CCDC170: variants seen among roughly 807,000 people sequenced by gnomAD.
The protein encoded by CCDC170 is coiled-coil domain-containing protein 170.
In CCDC170, 69 loss-of-function variants were observed where a neutral mutation model predicts 72.6. That is an observed-to-expected ratio of 0.95 (90% confidence interval 0.78 to 1.16). The LOEUF (loss-of-function observed/expected upper bound fraction) is 1.16, where lower values mean the gene tolerates loss of function less well. Among genes scored for constraint, CCDC170 ranks in the 50% most tolerant of loss-of-function variants. The probability of loss-of-function intolerance (pLI) is 0.00; values close to 1 mark genes in which losing one functional copy is unlikely to be tolerated. For missense variants in CCDC170, 852 were observed against 832.5 expected (o/e 1.02, Z -0.29); for synonymous variants, 300 against 303.9 (o/e 0.99, Z 0.13).
intron 1 of CCDC170, among the ~76,000 whole-genome samples, chr6:151,503,041 G>A (rs553684839): frequency 6.6e-6 from 1 of 152,220 alleles, no homozygotes; most frequent in East Asian, 1.9e-4. Flanking sequence ...GCTGGACATG[G>A]TGGTGCGCAC....
intron 4 of CCDC170, among the ~76,000 whole-genome samples, chr6:151,546,138 T>C (rs1163495720): frequency 6.6e-6 from 1 of 152,054 alleles, no homozygotes; most frequent in African/African-American, 2.4e-5. Flanking sequence ...TTCCCAAATG[T>C]CCTCTCTGAA....
chr6:151,608,806 C>T (rs935602533), intron 9 of CCDC170, among the ~76,000 whole-genome samples: 2 of 152,188 alleles, frequency 1.3e-5, no homozygotes, highest in Non-Finnish European at 2.9e-5. Context: ...CATGCACTTT[C>T]AGTCTCAGGA....
At chr6:151,520,005 C>A (rs1266482092) in intron 1 of CCDC170, among the ~76,000 whole-genome samples, 3 of 152,176 alleles carry the variant, frequency 2.0e-5, no homozygotes, top group African/African-American at 7.2e-5. Flanking sequence ...TCTCCTATCT[C>A]ATCCTGTGAT....
chr6:151,610,188 G>A (rs1470195395), intron 9 of CCDC170, among the ~76,000 whole-genome samples: 2 of 152,124 alleles, frequency 1.3e-5, no homozygotes, highest in South Asian at 4.1e-4. Flanking sequence ...CTTAATCAAT[G>A]TAATGTCCCC....
intron 3 of CCDC170, among the ~76,000 whole-genome samples, chr6:151,542,684 C>T (rs539492242): frequency 6.6e-6 from 1 of 152,232 alleles, no homozygotes; most frequent in Non-Finnish European, 1.5e-5. Context: ...TTTTAAATTT[C>T]TGTGATTATT....
intron 1 of CCDC170, among the ~76,000 whole-genome samples, chr6:151,497,952 CAAA>C (rs59201906): frequency 3.4e-5 from 2 of 58,046 alleles, no homozygotes; most frequent in African/African-American, 1.3e-4. Flanking sequence ...CACACCATCT[CAAA>C]AAAAAAAAAA....
chr6:151,596,279 T>A, intron 8 of CCDC170, 56 bp from the exon 9 acceptor site: 1 of 1,506,432 alleles, frequency 6.6e-7, no homozygotes, highest in Non-Finnish European at 8.9e-7. Flanking sequence ...GGTAACTCAT[T>A]TATATTTACT....
At chr6:151,512,139 C>A (rs1184992528) in intron 1 of CCDC170, among the ~76,000 whole-genome samples, 1 of 151,696 alleles carries the variant, frequency 6.6e-6, no homozygotes, top group Non-Finnish European at 1.5e-5. Context: ...GCCACTGCAC[C>A]CAGCAGTATA....
chr6:151,528,792 C>A (rs4870032), intron 1 of CCDC170, among the ~76,000 whole-genome samples: 1 of 151,742 alleles, frequency 6.6e-6, no homozygotes, highest in Non-Finnish European at 1.5e-5. Context: ...GAGCCAAGAT[C>A]GTGCCACTGC....
intron 5 of CCDC170, among the ~76,000 whole-genome samples, chr6:151,550,106 A>T (rs992160958): frequency 6.6e-6 from 1 of 152,214 alleles, no homozygotes; most frequent in African/African-American, 2.4e-5. Context: ...ATTTAATACC[A>T]TATGTATTTT....
intron 1 of CCDC170, among the ~76,000 whole-genome samples, chr6:151,526,784 T>A (rs1468056500): frequency 1.3e-5 from 2 of 152,128 alleles, no homozygotes; most frequent in African/African-American, 4.8e-5. Flanking sequence ...GTGAAAGTTT[T>A]TCTAAGTGCA....
At chr6:151,577,648 A>G (rs1186667807) in intron 6 of CCDC170, among the ~76,000 whole-genome samples, 2 of 152,266 alleles carry the variant, frequency 1.3e-5, no homozygotes, top group East Asian at 3.9e-4. Context: ...CCGATGCTAT[A>G]AAGCAAGGGT....
chr6:151,582,029 G>A (rs1371312834), intron 6 of CCDC170, among the ~76,000 whole-genome samples: 1 of 152,182 alleles, frequency 6.6e-6, no homozygotes, highest in Non-Finnish European at 1.5e-5. Context: ...GGGGCCTAGG[G>A]TCTTCAGAAT....
At chr6:151,515,303 G>C (rs1782218289) in intron 1 of CCDC170, among the ~76,000 whole-genome samples, 1 of 152,190 alleles carries the variant, frequency 6.6e-6, no homozygotes. Flanking sequence ...TATTTATTGA[G>C]ACGGAGTCTC....
chr6:151,582,986 C>CTTTTTTTTTTTTTTTTTT (rs35947074), intron 6 of CCDC170, among the ~76,000 whole-genome samples: 1 of 94,236 alleles, frequency 1.1e-5, no homozygotes, highest in Non-Finnish European at 1.9e-5. Context: ...TGGAGTAGCA[C>CTTTTTTTTTTTTTTTTTT]TTTTTTTTTT....
rs1488848413 is a variant in CCDC170, at chr6:151,596,444, T to C, written c.1577T>C (p.Val526Ala). The C allele has an allele frequency of 7.4e-6, 12 of 1,613,838 alleles. No homozygotes were observed. Among genetic ancestry groups the C allele is most frequent in the Non-Finnish European group, 1.0e-5 (12 of 1,179,986 alleles). The change falls in exon 9 of 11, where the codon GTT (valine) becomes GCT (alanine). Residue 526 changes from valine to alanine, a missense_variant. By Grantham distance (64) the Val-to-Ala change is moderately conservative. Coordinates refer to ENST00000239374, the MANE Select transcript of CCDC170 (RefSeq NM_025059.4). ...AAGCAGGCACGCACGGCCTTGGTGG[T>C]TGAGAGGGACAACGCGCATCTTACC... ...EEKQARTALV[V>A]ERDNAHLTIR...
Position 151,615,602 on chromosome 6 carries a change from A to C in CCDC170, c.1870A>C (p.Asn624His), listed in dbSNP as rs1326408367. 6.2e-7 allele frequency: 1 copy of C among 1,614,174 alleles called. No homozygotes were observed. ...TAAGGAGAATAAAGAAAGGGCCAGA[A>C]ACATGATAGAAGTGGTAACCAGTGA... ...EAKENKERAR[N>H]MIEVVTSEMK... Residue 624 changes from asparagine to histidine, a missense_variant, in exon 10 of 11, where the codon AAC (asparagine) becomes CAC (histidine). By Grantham distance (68) the Asn-to-His change is moderately conservative (BLOSUM62 1). Coordinates refer to ENST00000239374, the MANE Select transcript of CCDC170 (RefSeq NM_025059.4).
In CCDC170 at chr6:151,552,937, C is replaced by G. The variant is rs192833623; in HGVS notation, c.774+4448C>G. ...TAGTAGCTGGGATTACAGGCACGTG[C>G]CACTATGCTTGGCTAATTTTTTGTA... On this transcript the variant is annotated intron_variant, in intron 5 of 10. Transcript: ENST00000239374. 6.1e-3 allele frequency among the ~76,000 whole-genome samples: 924 copies of G among 151,934 alleles called. 8 individuals are homozygous for G. Among genetic ancestry groups the G allele is most frequent in the Admixed American group, 8.7e-3 (132 of 15,244 alleles).
intron 5 of CCDC170, among the ~76,000 whole-genome samples, chr6:151,558,056 G>A (rs1049704599): frequency 5.3e-5 from 8 of 151,940 alleles, no homozygotes; most frequent in African/African-American, 1.5e-4. Context: ...CCGAGATTGC[G>A]CCACTGCACT....
Sources: gnomAD v4.1 joint callset for allele counts (sites outside exome capture counted in the v4.1 genomes callset) on GRCh38, gnomAD v4.1.1 for gene constraint, MANE v1.5 for transcripts, NCBI Gene and HGNC (gene_info 2026-07-23, HGNC 2026-07-21) for gene names.